The following SORCS1 variants were observed in gnomAD, a reference collection of about 807,000 sequenced individuals.
The protein encoded by SORCS1 is sortilin related VPS10 domain containing receptor 1, also known as VPS10 domain-containing receptor SorCS1.
SORCS1 carries 60 observed loss-of-function variants against 146.1 expected under a neutral mutation model. The observed-to-expected ratio is 0.41, with a 90% confidence interval of 0.33 to 0.51. SORCS1 has a LOEUF of 0.51. Ranked by LOEUF, SORCS1 falls within the 20% of genes least tolerant of loss-of-function variation. SORCS1 has a pLI of 0.21. For synonymous variants in SORCS1, 637 were observed against 584.0 expected (o/e 1.09, Z -1.31); for missense variants, 1,352 against 1,487.6 (o/e 0.91, Z 1.50).
chr10:107,171,274 G>T, the SORCS1 span, among the ~76,000 whole-genome samples: 609 of 152,268 alleles, frequency 4.0e-3, 3 homozygotes, highest in African/African-American at 0.014. Context: ...GTAGAGAACA[G>T]GTGTTGGAAC....
intron 1 of SORCS1, among the ~76,000 whole-genome samples, chr10:107,150,461 T>C (rs1968692093): frequency 6.6e-6 from 1 of 152,248 alleles, no homozygotes; most frequent in Admixed American, 6.5e-5. Flanking sequence ...CAAGAGTGGC[T>C]ACCTGTGCTA....
At chr10:106,928,250 C>T (rs935158961) in intron 2 of SORCS1, among the ~76,000 whole-genome samples, 3 of 152,216 alleles carry the variant, frequency 2.0e-5, no homozygotes, top group East Asian at 1.9e-4. Context: ...CCCTGCCCCG[C>T]GAGGAGGCAG....
At chr10:106,605,702 A>G (rs901250637) in intron 23 of SORCS1, among the ~76,000 whole-genome samples, 2 of 152,158 alleles carry the variant, frequency 1.3e-5, no homozygotes, top group Admixed American at 1.3e-4. Flanking sequence ...AAATCTGAGG[A>G]GTTACCTGCT....
chr10:106,612,964 C>G (rs1361334988), intron 21 of SORCS1, among the ~76,000 whole-genome samples: 1 of 152,042 alleles, frequency 6.6e-6, no homozygotes, highest in Non-Finnish European at 1.5e-5. Context: ...TTGAAGCACT[C>G]CCTGGCTCAC....
At chr10:106,624,147 A>G (rs1292883678) in intron 19 of SORCS1, among the ~76,000 whole-genome samples, 2 of 152,086 alleles carry the variant, frequency 1.3e-5, no homozygotes, top group Non-Finnish European at 1.5e-5. Flanking sequence ...GTGATGATGG[A>G]AGACCTCTCA....
Position 107,164,490 on chromosome 10 carries a change from G to A in SORCS1, c.37C>T (p.Arg13Trp), listed in dbSNP as rs774952978. 96 of 1,353,534 alleles carry A rather than the reference G, an allele frequency of 7.1e-5. No homozygotes were observed. Among genetic ancestry groups the A allele is most frequent in the Non-Finnish European group, 8.7e-5 (92 of 1,060,266 alleles). The allele number at this position is 1,353,534 out of a possible 1,614,324, so 83.8% of individuals were successfully genotyped here. A position where few individuals can be genotyped will look rare whatever the true frequency, so the allele number is the denominator to read the frequency against. The change falls in exon 1 of 26, where the codon CGG (arginine) becomes TGG (tryptophan). Residue 13 changes from arginine to tryptophan, a missense_variant. By Grantham distance (101) the Arg-to-Trp change is moderately radical. Coordinates refer to ENST00000263054, the MANE Select transcript of SORCS1 (RefSeq NM_052918.5). The surrounding 1 kb of genome is among the most constrained non-coding windows in gnomAD (Gnocchi z 6.8). ...GCGCCGGCGAGGAGCGCGCTCAGCC[G>A]GGCTTGGGAGCCGCCGCCGGCGCCA... ...KVGAGGGSQA[R>W]LSALLAGAGL...
chr10:106,894,749 A>T lies in SORCS1; in HGVS notation c.626+61764T>A, dbSNP rs541605559. 1.8e-4 allele frequency among the ~76,000 whole-genome samples: 27 copies of T among 152,046 alleles called. No homozygotes were observed. In the South Asian group the frequency reaches 4.8e-3, roughly 27 times the overall value. On this transcript the variant is annotated intron_variant, in intron 2 of 25. Coordinates refer to ENST00000263054, the MANE Select transcript of SORCS1 (RefSeq NM_052918.5). Reference sequence around the variant, plus strand: ...AACAGGCTTTCTAAGCTGGTAAAATAAAAAAAAGACTTGTTATTTTATCAC... The same window carrying T: ...AACAGGCTTTCTAAGCTGGTAAAATTAAAAAAAGACTTGTTATTTTATCAC...
chr10:107,141,714 T>G (rs982060644), intron 1 of SORCS1, among the ~76,000 whole-genome samples: 10 of 151,966 alleles, frequency 6.6e-5, no homozygotes, highest in African/African-American at 2.4e-4. Context: ...CAAGGAGGAG[T>G]TTGTGCCTTT....
chr10:106,790,434 T>C (rs1946264425), intron 3 of SORCS1, among the ~76,000 whole-genome samples: 1 of 152,172 alleles, frequency 6.6e-6, no homozygotes, highest in South Asian at 2.1e-4. Flanking sequence ...GGGGTTTATA[T>C]AGCAGGGAAG....
At chr10:106,829,798 T>C (rs925213023) in intron 2 of SORCS1, 125 bp from the exon 3 acceptor site, 10 of 564,860 alleles carry the variant, frequency 1.8e-5, no homozygotes, top group African/African-American at 7.3e-5. Context: ...ATGTAGTATA[T>C]AATGATGCTT....
At chr10:106,961,230 C>T (rs1820141139) in intron 1 of SORCS1, among the ~76,000 whole-genome samples, 1 of 152,156 alleles carries the variant, frequency 6.6e-6, no homozygotes, top group Admixed American at 6.5e-5. Flanking sequence ...ATGAACTAAC[C>T]TGCCAGCAGC....
At chr10:106,765,400 T>C (rs1859492354) in intron 4 of SORCS1, among the ~76,000 whole-genome samples, 1 of 152,066 alleles carries the variant, frequency 6.6e-6, no homozygotes, top group South Asian at 2.1e-4. Flanking sequence ...ATCTTTCACA[T>C]TGGCTTGTTT....
At chr10:106,582,012 G>T (rs1385646567) in intron 24 of SORCS1, among the ~76,000 whole-genome samples, 5 of 152,100 alleles carry the variant, frequency 3.3e-5, no homozygotes, top group African/African-American at 1.2e-4. Flanking sequence ...AAGCAACTAA[G>T]AATACTGAGC....
At chr10:106,913,873 T>C (rs1211497481) in intron 2 of SORCS1, among the ~76,000 whole-genome samples, 1 of 152,164 alleles carries the variant, frequency 6.6e-6, no homozygotes, top group Non-Finnish European at 1.5e-5. Context: ...TACATTCTTT[T>C]AGGAGGCAAA....
intron 9 of SORCS1, among the ~76,000 whole-genome samples, chr10:106,689,420 G>A (rs745811998): frequency 6.6e-5 from 10 of 152,094 alleles, no homozygotes; most frequent in Non-Finnish European, 8.8e-5. Flanking sequence ...AATAACCATG[G>A]AATAATTATC....
chr10:106,792,614 G>A (rs1195777663), intron 3 of SORCS1, among the ~76,000 whole-genome samples: 1 of 152,220 alleles, frequency 6.6e-6, no homozygotes, highest in Non-Finnish European at 1.5e-5. Flanking sequence ...TCCCAGGACT[G>A]CATCTTAACC....
chr10:106,795,156 G>T (rs1424976314), intron 3 of SORCS1, among the ~76,000 whole-genome samples: 1 of 152,170 alleles, frequency 6.6e-6, no homozygotes. Flanking sequence ...TGTAAATTTG[G>T]GGGATACCAG....
chr10:106,910,032 T>C (rs1443349913), intron 2 of SORCS1, among the ~76,000 whole-genome samples: 1 of 152,236 alleles, frequency 6.6e-6, no homozygotes. Context: ...TTAATAGCCA[T>C]GCCTCTCTGT....
chr10:106,835,254 A>T (rs533832414), intron 2 of SORCS1, among the ~76,000 whole-genome samples: 4 of 152,352 alleles, frequency 2.6e-5, no homozygotes, highest in African/African-American at 9.6e-5. Flanking sequence ...GATTTCCTTC[A>T]CTATAATCTT....
Sources: allele counts gnomAD v4.1 joint callset (sites outside exome capture counted in the v4.1 genomes callset), GRCh38; gene constraint gnomAD v4.1.1; non-coding constraint Gnocchi (gnomAD v3.1); transcripts MANE v1.5; gene names NCBI Gene and HGNC (gene_info 2026-07-23, HGNC 2026-07-21).